The following CNBD1 variants were observed in gnomAD, a reference collection of about 807,000 sequenced individuals.
CNBD1 encodes cyclic nucleotide-binding domain-containing protein 1.
Under a neutral mutation model 54.4 loss-of-function variants are expected in CNBD1, and 71 were observed. That is an observed-to-expected ratio of 1.30 (90% CI 1.08 to 1.59). The LOEUF is 1.59. CNBD1 is among the 40% of genes most tolerant of loss of function. CNBD1 has a pLI of 0.00. For missense variants in CNBD1, 659 were observed against 518.0 expected (o/e 1.27, Z -2.64); for synonymous variants, 182 against 170.7 (o/e 1.07, Z -0.51).
chr8:87,407,907 C>A (rs910053660), intron 2 of CNBD1, among the ~76,000 whole-genome samples: 3 of 151,712 alleles, frequency 2.0e-5, no homozygotes, highest in Admixed American at 6.6e-5. Context: ...GAGCAAAATC[C>A]TCTCCCTTTT....
At chr8:87,425,899 C>T (rs1214559984) in intron 2 of CNBD1, among the ~76,000 whole-genome samples, 3 of 152,126 alleles carry the variant, frequency 2.0e-5, no homozygotes, top group African/African-American at 7.2e-5. Flanking sequence ...TGGGCAATGG[C>T]GGGCGCCCCT....
At chr8:86,968,621 T>C (rs1235443535) in intron 4 of CNBD1, among the ~76,000 whole-genome samples, 6 of 152,186 alleles carry the variant, frequency 3.9e-5, no homozygotes, top group African/African-American at 1.4e-4. Context: ...GAAGGGCAGA[T>C]ATTTGGGGAA....
intron 8 of CNBD1, among the ~76,000 whole-genome samples, chr8:87,325,041 T>G (rs1372133845): frequency 9.9e-6 from 1 of 100,988 alleles, no homozygotes; most frequent in Non-Finnish European, 2.0e-5. Flanking sequence ...TCTTTATTTC[T>G]GCCTTCATTT....
chr8:87,416,550 G>C (rs776186539), intron 2 of CNBD1, among the ~76,000 whole-genome samples: 1 of 151,998 alleles, frequency 6.6e-6, no homozygotes, highest in Non-Finnish European at 1.5e-5. Flanking sequence ...CCAGAACAGG[G>C]TTGGAGACCC....
At chr8:86,976,585 A>G (rs1412106111) in intron 4 of CNBD1, among the ~76,000 whole-genome samples, 1 of 151,860 alleles carries the variant, frequency 6.6e-6, no homozygotes, top group Non-Finnish European at 1.5e-5. Context: ...TGGCTTTGTA[A>G]TTTTGATAGG....
At chr8:86,903,046 T>G (rs1323035244) in intron 2 of CNBD1, among the ~76,000 whole-genome samples, 3 of 152,134 alleles carry the variant, frequency 2.0e-5, no homozygotes, top group South Asian at 2.1e-4. Flanking sequence ...ATTATAGCAT[T>G]ACAGGCCATT....
intron 8 of CNBD1, among the ~76,000 whole-genome samples, chr8:87,310,117 G>A (rs746999944): frequency 5.9e-5 from 9 of 152,140 alleles, no homozygotes; most frequent in Non-Finnish European, 1.2e-4. Flanking sequence ...CATTTTGGGA[G>A]GCCAAAGTGA....
intron 2 of CNBD1, among the ~76,000 whole-genome samples, chr8:86,889,157 G>A (rs1405541712): frequency 6.6e-6 from 1 of 152,100 alleles, no homozygotes. Flanking sequence ...TGGGGGAACA[G>A]GTTTTAAGGT....
chr8:87,174,904 G>T (rs899333119), intron 4 of CNBD1, among the ~76,000 whole-genome samples: 1 of 152,114 alleles, frequency 6.6e-6, no homozygotes, highest in African/African-American at 2.4e-5. Context: ...GTTCTCTTCC[G>T]TAATTTCTCC....
rs77097032 is a variant in CNBD1 at position 86,875,162 on chromosome 8, C to T, written c.88+8579C>T. 2.9e-3 allele frequency among the ~76,000 whole-genome samples: 434 copies of T among 152,070 alleles called. 8 individuals are homozygous for T. In the East Asian group the frequency reaches 0.075, roughly 26 times the overall value. ...TTCTCCTATTAGCTTTAACATAACA[C>T]TTTTGAGTAGTTTCCTTGTTTGTAA... On this transcript the variant is annotated intron_variant, in intron 1 of 10. Transcript: ENST00000518476.
intron 8 of CNBD1, among the ~76,000 whole-genome samples, chr8:87,334,552 C>T (rs1305335809): frequency 7.0e-6 from 1 of 142,028 alleles, no homozygotes; most frequent in East Asian, 2.0e-4. Context: ...GCTTTAGCTG[C>T]ATCTCAGAGA....
chr8:87,158,116 T>G (rs1353414195), intron 4 of CNBD1, among the ~76,000 whole-genome samples: 2 of 152,132 alleles, frequency 1.3e-5, no homozygotes, highest in Non-Finnish European at 2.9e-5. Context: ...TGTCTAATCC[T>G]CAGAAGACAC....
At chr8:86,932,661 C>A (rs903224469) in intron 3 of CNBD1, among the ~76,000 whole-genome samples, 5 of 151,852 alleles carry the variant, frequency 3.3e-5, no homozygotes, top group Non-Finnish European at 5.9e-5. Context: ...ATTTTTTTTC[C>A]ATCAGAGAGA....
intron 4 of CNBD1, among the ~76,000 whole-genome samples, chr8:86,942,850 T>A (rs527436369): frequency 2.2e-4 from 33 of 152,332 alleles, no homozygotes; most frequent in South Asian, 1.0e-3. Context: ...GGTTGTATGC[T>A]TTATAAACAC....
chr8:87,332,600 C>G (rs747339675), intron 8 of CNBD1, among the ~76,000 whole-genome samples: 1 of 152,078 alleles, frequency 6.6e-6, no homozygotes, highest in Non-Finnish European at 1.5e-5. Flanking sequence ...CTGCATATGC[C>G]TGGCCAGTTT....
chr8:87,207,928 C>A (rs892735410), intron 5 of CNBD1, among the ~76,000 whole-genome samples: 4 of 152,206 alleles, frequency 2.6e-5, no homozygotes, highest in Non-Finnish European at 4.4e-5. Context: ...CAGCTCAGAT[C>A]TGTTTCACTA....
chr8:86,923,319 G>C (rs759273426), intron 3 of CNBD1, among the ~76,000 whole-genome samples: 16 of 152,290 alleles, frequency 1.1e-4, no homozygotes, highest in Non-Finnish European at 2.1e-4. Flanking sequence ...TGCAGATGAA[G>C]GGATGGTCCC....
intron 3 of CNBD1, among the ~76,000 whole-genome samples, chr8:86,931,375 G>A (rs1305776401): frequency 6.6e-6 from 1 of 152,164 alleles, no homozygotes; most frequent in Non-Finnish European, 1.5e-5. Context: ...CTGGTTGGGG[G>A]CTTCTGGCCC....
At chr8:87,371,792 T>C (rs1446241730) in intron 10 of CNBD1, among the ~76,000 whole-genome samples, 1 of 151,972 alleles carries the variant, frequency 6.6e-6, no homozygotes, top group African/African-American at 2.4e-5. Flanking sequence ...CAACAACCCT[T>C]CATGCTAAAA....
Sources: gnomAD v4.1 joint callset for allele counts (sites outside exome capture counted in the v4.1 genomes callset) on GRCh38, gnomAD v4.1.1 for gene constraint, MANE v1.5 for transcripts, NCBI Gene and HGNC (gene_info 2026-07-23, HGNC 2026-07-21) for gene names.